IL1RAPL2: variants seen among roughly 807,000 people sequenced by gnomAD.
The protein encoded by IL1RAPL2 is interleukin 1 receptor accessory protein like 2, also known as X-linked interleukin-1 receptor accessory protein-like 2.
Under a neutral mutation model 44.1 loss-of-function variants are expected in IL1RAPL2, and 3 were observed. The observed-to-expected ratio is 0.07, with a 90% CI of 0.03 to 0.18. The LOEUF (loss-of-function observed/expected upper bound fraction) is 0.18, where lower values mean the gene tolerates loss of function less well. Ranked by LOEUF, IL1RAPL2 falls within the 10% of genes least tolerant of loss-of-function variation. The pLI, the probability that IL1RAPL2 is intolerant of heterozygous loss-of-function variation, is 1.00. For synonymous variants in IL1RAPL2, 181 were observed against 178.8 expected (o/e 1.01, Z -0.10); for missense variants, 391 against 496.4 (o/e 0.79, Z 2.02).
chrX:104,813,264 G>A (rs990414192), intron 2 of IL1RAPL2, among the ~76,000 whole-genome samples: 2 of 111,434 alleles, frequency 1.8e-5, no homozygotes, highest in African/African-American at 6.5e-5. Flanking sequence ...GAAACAGTAT[G>A]CATGTACAAT....
At chrX:105,232,681 A>T (rs1394533537) in intron 3 of IL1RAPL2, among the ~76,000 whole-genome samples, 2 of 112,042 alleles carry the variant, frequency 1.8e-5, no homozygotes, top group African/African-American at 6.5e-5. Flanking sequence ...TAAAGGCAGA[A>T]TTTGTATTTA....
chrX:105,057,836 C>T (rs2032015127), intron 2 of IL1RAPL2, among the ~76,000 whole-genome samples: 1 of 109,853 alleles, frequency 9.1e-6, no homozygotes, highest in Non-Finnish European at 1.9e-5. Flanking sequence ...GGCTGGAGTG[C>T]GGTGGCATGA....
chrX:104,844,201 C>G (rs1921982948), intron 2 of IL1RAPL2, among the ~76,000 whole-genome samples: 1 of 110,541 alleles, frequency 9.0e-6, no homozygotes, highest in Non-Finnish European at 1.9e-5. Context: ...ATGTGCTACA[C>G]TTTTCTGTCC....
At chrX:105,277,218 T>G (rs1444766283) in intron 5 of IL1RAPL2, among the ~76,000 whole-genome samples, 1 of 112,380 alleles carries the variant, frequency 8.9e-6, no homozygotes, top group Non-Finnish European at 1.9e-5. Flanking sequence ...CGTGTCCTGA[T>G]TATCACATGA....
chrX:105,331,296 C>T (rs1016987906), intron 5 of IL1RAPL2, among the ~76,000 whole-genome samples: 5 of 111,361 alleles, frequency 4.5e-5, no homozygotes, highest in Non-Finnish European at 9.4e-5. Context: ...CAAGTTGGTT[C>T]CTGGCCTTCA....
intron 5 of IL1RAPL2, among the ~76,000 whole-genome samples, chrX:105,435,888 G>C (rs2035878737): frequency 9.0e-6 from 1 of 110,863 alleles, no homozygotes; most frequent in African/African-American, 3.3e-5. Context: ...ACCGGGGCCT[G>C]TCAGAGTGGG....
chrX:105,419,920 G>A (rs2035761998), intron 5 of IL1RAPL2, among the ~76,000 whole-genome samples: 1 of 111,304 alleles, frequency 9.0e-6, no homozygotes, highest in Admixed American at 9.6e-5. Flanking sequence ...AAATTTTTCA[G>A]CTTGTTATAA....
At chrX:105,170,290 G>T (rs996486573) in intron 2 of IL1RAPL2, among the ~76,000 whole-genome samples, 2 of 111,033 alleles carry the variant, frequency 1.8e-5, no homozygotes, top group Non-Finnish European at 3.8e-5. Context: ...TTAAATTATG[G>T]TTGCCAGTAT....
intron 3 of IL1RAPL2, chrX:105,219,695 C>T: frequency 8.3e-7 from 1 of 1,209,891 alleles, no homozygotes; most frequent in Non-Finnish European, 1.1e-6. Context: ...GTGCAAACCC[C>T]TCCGGCAGTG....
chrX:105,690,858 T>C (rs989336453), intron 6 of IL1RAPL2, among the ~76,000 whole-genome samples: 1 of 111,605 alleles, frequency 9.0e-6, no homozygotes, highest in Non-Finnish European at 1.9e-5. Context: ...CACCATAAAC[T>C]GGGTGGCTTA....
At chrX:104,732,134 A>G (rs1931931654) in intron 2 of IL1RAPL2, among the ~76,000 whole-genome samples, 1 of 112,187 alleles carries the variant, frequency 8.9e-6, no homozygotes, top group South Asian at 3.7e-4. Context: ...CAGCATAGCA[A>G]AACTTGTGGG....
At chrX:105,447,491 A>G (rs2035975243) in intron 5 of IL1RAPL2, among the ~76,000 whole-genome samples, 2 of 75,718 alleles carry the variant, frequency 2.6e-5, no homozygotes, top group East Asian at 4.6e-4. Context: ...ATAAATATAT[A>G]AACTTAAATA....
chrX:105,204,077 ATCT>A (rs1556149042), intron 3 of IL1RAPL2, among the ~76,000 whole-genome samples: 1 of 111,661 alleles, frequency 9.0e-6, no homozygotes, highest in Non-Finnish European at 1.9e-5. Flanking sequence ...TGGTATAGTC[ATCT>A]TAAAGTAGGA....
At chrX:104,826,704 G>A (rs1921459739) in intron 2 of IL1RAPL2, among the ~76,000 whole-genome samples, 1 of 110,482 alleles carries the variant, frequency 9.1e-6, no homozygotes, top group Non-Finnish European at 1.9e-5. Flanking sequence ...AATATTGACA[G>A]TGGGGTGTTA....
chrX:105,409,844 A>ATAGATAGATAGG (rs1194988299), intron 5 of IL1RAPL2, among the ~76,000 whole-genome samples: 2 of 87,077 alleles, frequency 2.3e-5, no homozygotes, highest in Non-Finnish European at 4.6e-5. Context: ...AGATAGATAG[A>ATAGATAGATAGG]TAGACAGACA....
At chrX:105,700,324 G>C (rs2038109638) in intron 6 of IL1RAPL2, among the ~76,000 whole-genome samples, 1 of 111,994 alleles carries the variant, frequency 8.9e-6, no homozygotes, top group African/African-American at 3.2e-5. Context: ...AATTATTGGA[G>C]ATAATTGAGT....
At chrX:104,890,836 C>T (rs1923411826) in intron 2 of IL1RAPL2, among the ~76,000 whole-genome samples, 1 of 111,808 alleles carries the variant, frequency 8.9e-6, no homozygotes, top group Non-Finnish European at 1.9e-5. Flanking sequence ...TCTTTTGTTG[C>T]CATTGCTTCT....
chrX:105,696,570 G>A (rs1268060782), intron 6 of IL1RAPL2, among the ~76,000 whole-genome samples: 2 of 111,546 alleles, frequency 1.8e-5, no homozygotes, highest in South Asian at 3.8e-4. Context: ...AAAATCGAGG[G>A]ACTAGAAAAA....
intron 5 of IL1RAPL2, among the ~76,000 whole-genome samples, chrX:105,349,200 G>A (rs1338565622): frequency 8.9e-6 from 1 of 111,938 alleles, no homozygotes; most frequent in East Asian, 2.8e-4. Flanking sequence ...GTGACATGCA[G>A]TTGTCCACAG....
Sources: gnomAD v4.1 joint callset for allele counts (sites outside exome capture counted in the v4.1 genomes callset) on GRCh38, gnomAD v4.1.1 for gene constraint, MANE v1.5 for transcripts, NCBI Gene and HGNC (gene_info 2026-07-23, HGNC 2026-07-21) for gene names.